PLCL1: variants seen among roughly 807,000 people sequenced by gnomAD.
PLCL1 encodes the protein inactive phospholipase C-like protein 1.
Under a neutral mutation model 84.4 loss-of-function variants are expected in PLCL1, and 41 were observed. The observed-to-expected ratio is 0.49, with a 90% CI of 0.38 to 0.63. PLCL1 has a LOEUF of 0.63. PLCL1 is among the 30% of genes least tolerant of loss of function. The pLI is 0.00. For missense variants in PLCL1, 1,206 were observed against 1,367.8 expected (o/e 0.88, Z 1.87); for synonymous variants, 490 against 488.3 (o/e 1.00, Z -0.05).
intron 1 of PLCL1, among the ~76,000 whole-genome samples, chr2:198,074,038 T>C (rs965374291): frequency 6.6e-6 from 1 of 152,198 alleles, no homozygotes; most frequent in African/African-American, 2.4e-5. Flanking sequence ...AAAACCTACA[T>C]GTATATATTA....
At chr2:198,010,565 TG>T (rs1346873494) in intron 1 of PLCL1, among the ~76,000 whole-genome samples, 1 of 152,066 alleles carries the variant, frequency 6.6e-6, no homozygotes, top group Non-Finnish European at 1.5e-5. Context: ...GCTATTATTT[TG>T]TTTAGGGTTT....
At chr2:197,991,962 G>A (rs1026819750) in intron 1 of PLCL1, among the ~76,000 whole-genome samples, 2 of 152,018 alleles carry the variant, frequency 1.3e-5, no homozygotes, top group Admixed American at 6.5e-5. Context: ...CTCCTGGTTC[G>A]TCTCTCCTGA....
chr2:198,046,464 A>G (rs534159087), intron 1 of PLCL1, among the ~76,000 whole-genome samples: 84 of 152,250 alleles, frequency 5.5e-4, no homozygotes, highest in African/African-American at 2.0e-3. Flanking sequence ...GCTTTGAAAA[A>G]TTTTTCAGAT....
chr2:198,106,349 A>G (rs1271540728), intron 5 of PLCL1, among the ~76,000 whole-genome samples: 4 of 151,920 alleles, frequency 2.6e-5, no homozygotes, highest in African/African-American at 9.7e-5. Context: ...CCTACTATGC[A>G]TTGGGCTCTG....
chr2:198,091,041 A>T (rs1027342900), intron 3 of PLCL1, among the ~76,000 whole-genome samples: 16 of 152,252 alleles, frequency 1.1e-4, no homozygotes, highest in Admixed American at 5.2e-4. Context: ...ATAAAAGGCT[A>T]CGGTGGAAGC....
At chr2:197,846,218 T>C (rs924264825) in intron 1 of PLCL1, among the ~76,000 whole-genome samples, 1 of 152,190 alleles carries the variant, frequency 6.6e-6, no homozygotes, top group Non-Finnish European at 1.5e-5. Flanking sequence ...ATTATGTGTC[T>C]GCATGACATT....
At chr2:198,109,910 T>A (rs988407563) in intron 5 of PLCL1, among the ~76,000 whole-genome samples, 7 of 151,512 alleles carry the variant, frequency 4.6e-5, no homozygotes, top group African/African-American at 1.5e-4. Context: ...TGGAGAAGTA[T>A]CAAGTAGAGA....
chr2:198,099,320 TC>T (rs1387675157), intron 3 of PLCL1, among the ~76,000 whole-genome samples: 1 of 152,072 alleles, frequency 6.6e-6, no homozygotes, highest in Non-Finnish European at 1.5e-5. Context: ...CCATTTTTTC[TC>T]CCTGACAACT....
intron 1 of PLCL1, among the ~76,000 whole-genome samples, chr2:198,001,314 A>G (rs1484950681): frequency 6.6e-6 from 1 of 152,146 alleles, no homozygotes; most frequent in Non-Finnish European, 1.5e-5. Context: ...AGTTATTTCA[A>G]CGTAAGCTTT....
chr2:197,941,491 T>A (rs1301994111), intron 1 of PLCL1, among the ~76,000 whole-genome samples: 3 of 152,164 alleles, frequency 2.0e-5, no homozygotes, highest in Admixed American at 1.3e-4. Flanking sequence ...AGGGTCTTAC[T>A]ATGTTTCCCA....
intron 1 of PLCL1, among the ~76,000 whole-genome samples, chr2:197,973,231 G>A (rs932434072): frequency 6.6e-6 from 1 of 152,192 alleles, no homozygotes; most frequent in Non-Finnish European, 1.5e-5. Flanking sequence ...GGATACAAGT[G>A]CACTTTGCTT....
At chr2:198,129,121 C>T (rs1694060392) in intron 5 of PLCL1, among the ~76,000 whole-genome samples, 1 of 152,134 alleles carries the variant, frequency 6.6e-6, no homozygotes, top group Non-Finnish European at 1.5e-5. Flanking sequence ...AAATATATTT[C>T]TTTGACATAT....
chr2:198,130,892 G>A (rs1000796793), intron 5 of PLCL1, among the ~76,000 whole-genome samples: 6 of 152,052 alleles, frequency 3.9e-5, no homozygotes, highest in African/African-American at 1.4e-4. Context: ...ATAGCATAGA[G>A]CTGGAGTGAT....
At chr2:197,879,395 T>A (rs566171488) in intron 1 of PLCL1, among the ~76,000 whole-genome samples, 1 of 152,298 alleles carries the variant, frequency 6.6e-6, no homozygotes, top group Non-Finnish European at 1.5e-5. Context: ...AAACATTCAA[T>A]TTCTGTTGTG....
intron 1 of PLCL1, among the ~76,000 whole-genome samples, chr2:197,887,971 G>T (rs769102968): frequency 1.3e-5 from 2 of 151,866 alleles, no homozygotes; most frequent in Admixed American, 6.6e-5. Flanking sequence ...GTGTGGCTCT[G>T]GTCCCAGGTA....
chr2:198,017,600 T>G (rs974726901), intron 1 of PLCL1, among the ~76,000 whole-genome samples: 1 of 152,242 alleles, frequency 6.6e-6, no homozygotes, highest in African/African-American at 2.4e-5. Context: ...GCATAAAGAT[T>G]TGGACAGACC....
chr2:198,040,467 G>T (rs1487454383), intron 1 of PLCL1, among the ~76,000 whole-genome samples: 1 of 152,134 alleles, frequency 6.6e-6, no homozygotes, highest in African/African-American at 2.4e-5. Flanking sequence ...TCTTTCTCCT[G>T]GTGGAGATAG....
intron 5 of PLCL1, among the ~76,000 whole-genome samples, chr2:198,119,484 AG>A (rs1449573035): frequency 6.6e-6 from 1 of 151,894 alleles, no homozygotes; most frequent in Non-Finnish European, 1.5e-5. Context: ...AATATCAGGC[AG>A]TTTTGGGATT....
intron 1 of PLCL1, among the ~76,000 whole-genome samples, chr2:197,825,442 A>G (rs1334014723): frequency 2.0e-5 from 3 of 152,218 alleles, no homozygotes; most frequent in African/African-American, 4.8e-5. Flanking sequence ...AAACTATCCT[A>G]TAAACAGTGG....
Sources: gnomAD v4.1 joint callset for allele counts (sites outside exome capture counted in the v4.1 genomes callset) on GRCh38, gnomAD v4.1.1 for gene constraint, MANE v1.5 for transcripts, NCBI Gene and HGNC (gene_info 2026-07-23, HGNC 2026-07-21) for gene names.